The following PCDHA4 variants were observed in gnomAD, a reference collection of about 807,000 sequenced individuals.
PCDHA4 encodes the protein protocadherin alpha-4.
In PCDHA4, 49 loss-of-function variants were observed where a neutral mutation model predicts 61.4. The observed-to-expected ratio is 0.80, with a 90% CI of 0.63 to 1.01. The LOEUF (loss-of-function observed/expected upper bound fraction) is 1.01, where lower values mean the gene tolerates loss of function less well. PCDHA4 is among the 50% of genes least tolerant of loss of function. The pLI, the probability that PCDHA4 is intolerant of heterozygous loss-of-function variation, is 0.00. For synonymous variants in PCDHA4, 590 were observed against 550.3 expected, an observed-to-expected ratio of 1.07 and a Z score of -1.01; for missense variants, 1,254 against 1,235.8, an observed-to-expected ratio of 1.01 and a Z score of -0.22.
At chr5:140,840,780 T>G (rs1429191969) in intron 1 of PCDHA4, among the ~76,000 whole-genome samples, 1 of 152,072 alleles carries the variant, frequency 6.6e-6, no homozygotes, top group Admixed American at 6.5e-5. Flanking sequence ...AAAGTTAGAA[T>G]TATATGCTCA....
Position 140,829,594 on chromosome 5 carries a change from G to C in PCDHA4, c.2385+20022G>C. The C allele has an allele frequency of 1.2e-6, 2 of 1,611,982 alleles. No individual in the cohort carries two copies. The highest frequency in any genetic ancestry group is 1.7e-6 in the Non-Finnish European group (2 of 1,179,774). On this transcript the variant is annotated intron_variant, in intron 1 of 3. Coordinates refer to ENST00000530339, the MANE Select transcript of PCDHA4 (RefSeq NM_018907.4). The stretch of plus-strand genomic sequence containing the variant: ...CGCTGGTGGAGCGGCGGGTGGGCGA[G>C]CGCGCGTTGTCGAGCTACATTTCGG...
chr5:140,856,803 A>G, intron 1 of PCDHA4: 4 of 1,595,568 alleles, frequency 2.5e-6, no homozygotes, highest in Non-Finnish European at 3.4e-6. Flanking sequence ...AAGATGTATG[A>G]AAATCAAGTG....
chr5:140,912,395 T>C (rs782718158), intron 1 of PCDHA4, among the ~76,000 whole-genome samples: 10 of 152,138 alleles, frequency 6.6e-5, no homozygotes, highest in Non-Finnish European at 1.5e-4. Flanking sequence ...CTTAATTTGA[T>C]TCTCAGCTTG....
At chr5:140,818,794 C>G (rs1184568922) in intron 1 of PCDHA4, among the ~76,000 whole-genome samples, 2 of 152,214 alleles carry the variant, frequency 1.3e-5, no homozygotes, top group Non-Finnish European at 2.9e-5. Context: ...TGTACCACTG[C>G]ACTCCAGCCT....
rs375771604 is a variant in PCDHA4, at chr5:140,876,994, G to A, written c.2385+67422G>A. ...GGGCGAGCACGCACTGTCGAGCTAC[G>A]TGTCGGTGCACGCGGAGAGCGGCAA... On this transcript the variant is annotated intron_variant, in intron 1 of 3. Transcript: ENST00000530339. The A allele has an allele frequency of 5.6e-6, 9 of 1,612,502 alleles. No individual in the cohort carries two copies. The highest frequency in any genetic ancestry group is 5.0e-5 in the Admixed American group (3 of 59,998).
At chr5:140,830,056 T>G (rs1770781900) in intron 1 of PCDHA4, 1 of 1,613,606 alleles carries the variant, frequency 6.2e-7, no homozygotes, top group Non-Finnish European at 8.5e-7. Flanking sequence ...AAGACCACGG[T>G]GAGCCGGCGC....
intron 1 of PCDHA4, chr5:140,829,804 T>A (rs2150175080): frequency 1.2e-6 from 2 of 1,613,624 alleles, no homozygotes; most frequent in African/African-American, 2.7e-5. Context: ...CTCGGGTGGG[T>A]GGTACTGGTG....
chr5:140,984,426 G>A (rs781888913), intron 3 of PCDHA4, among the ~76,000 whole-genome samples: 2 of 152,160 alleles, frequency 1.3e-5, no homozygotes, highest in South Asian at 2.1e-4. Flanking sequence ...AGATAGAGAA[G>A]GGGATCTCCC....
chr5:140,872,471 T>TA (rs1468696649), intron 1 of PCDHA4, among the ~76,000 whole-genome samples: 3 of 152,026 alleles, frequency 2.0e-5, no homozygotes, highest in Non-Finnish European at 4.4e-5. Context: ...TATAAAAAAT[T>TA]AAAAAATTAG....
chr5:140,897,946 T>G (rs1311278458), intron 1 of PCDHA4, among the ~76,000 whole-genome samples: 1 of 152,276 alleles, frequency 6.6e-6, no homozygotes, highest in African/African-American at 2.4e-5. Context: ...CCAGTGATGA[T>G]TAGCATTTTT....
chr5:140,954,091 A>G (rs1055518318), intron 1 of PCDHA4, among the ~76,000 whole-genome samples: 1 of 152,204 alleles, frequency 6.6e-6, no homozygotes, highest in African/African-American at 2.4e-5. Flanking sequence ...AGCTCCATCC[A>G]TGTCCCTGCA....
At position 140,928,712 on chromosome 5, in the gene PCDHA4, G is replaced by A; in HGVS notation, c.2386-50237G>A. 3.1e-6 allele frequency: 5 copies of A among 1,614,168 alleles called. No homozygotes were observed. The highest frequency in any genetic ancestry group is 4.2e-6 in the Non-Finnish European group (5 of 1,180,042). Reference sequence around the variant, plus strand: ...CACATCTCCCGGGCGTCTGACTCTAGTCTCTTTAGAATTTCAGCCAATATA... The same window carrying A: ...CACATCTCCCGGGCGTCTGACTCTAATCTCTTTAGAATTTCAGCCAATATA... On this transcript the variant is annotated intron_variant, in intron 1 of 3. Coordinates refer to ENST00000530339, the MANE Select transcript of PCDHA4 (RefSeq NM_018907.4).
At chr5:140,994,563 G>A (rs1554254253) in intron 3 of PCDHA4, among the ~76,000 whole-genome samples, 1 of 151,976 alleles carries the variant, frequency 6.6e-6, no homozygotes, top group Non-Finnish European at 1.5e-5. Flanking sequence ...AAATTAGCCG[G>A]GTGTGGTGGC....
At chr5:140,972,306 GT>G (rs2096530781) in intron 1 of PCDHA4, among the ~76,000 whole-genome samples, 1 of 150,488 alleles carries the variant, frequency 6.6e-6, no homozygotes, top group South Asian at 2.1e-4. Flanking sequence ...TGTCTGACTA[GT>G]TTTTAGGTGT....
In PCDHA4 at chr5:140,850,224, G is replaced by A. The variant is rs2150474394; in HGVS notation, c.2385+40652G>A. On this transcript the variant is annotated intron_variant, in intron 1 of 3. Coordinates refer to ENST00000530339, the MANE Select transcript of PCDHA4 (RefSeq NM_018907.4). ...TCGGATGAGGGGCACTGACGGCGCAGTGAGCGAGATGGTGCTGCGGTCGGT... is the reference window on the plus strand; with the variant it reads ...TCGGATGAGGGGCACTGACGGCGCAATGAGCGAGATGGTGCTGCGGTCGGT... 9.3e-5 allele frequency: 148 copies of A among 1,593,886 alleles called. 13 individuals carry two copies. The highest frequency in any genetic ancestry group is 1.2e-4 in the Non-Finnish European group (142 of 1,167,688).
At chr5:140,961,617 C>A (rs781986571) in intron 1 of PCDHA4, among the ~76,000 whole-genome samples, 47 of 152,204 alleles carry the variant, frequency 3.1e-4, no homozygotes, top group Middle Eastern at 3.4e-3. Context: ...AACTAAAGTG[C>A]CCATATGAAA....
intron 1 of PCDHA4, chr5:140,871,365 G>A: frequency 6.2e-7 from 1 of 1,614,218 alleles, no homozygotes; most frequent in Non-Finnish European, 8.5e-7. Context: ...AGCAGAGGCG[G>A]CAGAGGGTGT....
In PCDHA4 at chr5:140,842,782, C is replaced by T. The variant is rs1349278415; in HGVS notation, c.2385+33210C>T. 6 of 1,594,538 alleles carry T rather than the reference C, an allele frequency of 3.8e-6. 1 individual carries two copies. The highest frequency in any genetic ancestry group is 5.1e-6 in the Non-Finnish European group (6 of 1,165,434). ...CGCGAGACGCGGACGCGCAGGAGAA[C>T]GCGCTGGTGTCCTACTCGCTTGTGG... On this transcript the variant is annotated intron_variant, in intron 1 of 3. Transcript: ENST00000530339.
At chr5:140,810,395 T>C (rs1764651195) in intron 1 of PCDHA4, 1 of 152,204 alleles carries the variant, frequency 6.6e-6, no homozygotes, top group East Asian at 1.9e-4. Flanking sequence ...TCTTTGTCTT[T>C]TGTAGCTAAC....
Sources: allele counts gnomAD v4.1 joint callset (sites outside exome capture counted in the v4.1 genomes callset), GRCh38; gene constraint gnomAD v4.1.1; transcripts MANE v1.5; gene names NCBI Gene and HGNC (gene_info 2026-07-23, HGNC 2026-07-21).